Variants in DISC1 observed in about 807,000 individuals in gnomAD.
DISC1 encodes the protein disrupted in schizophrenia 1 protein.
In DISC1, 57 loss-of-function variants were observed where a neutral mutation model predicts 84.5. The ratio of observed to expected loss-of-function variants is 0.67; its 90% confidence interval spans 0.55 to 0.84. The LOEUF (loss-of-function observed/expected upper bound fraction) is 0.84, where lower values mean the gene tolerates loss of function less well. Ranked by LOEUF, DISC1 falls within the 40% of genes least tolerant of loss-of-function variation. The pLI is 0.00. For missense variants in DISC1, 1,000 were observed against 1,057.8 expected (o/e 0.95, Z 0.76); for synonymous variants, 411 against 415.2 (o/e 0.99, Z 0.12).
chr1:231,872,154 C>G (rs529498848), intron 9 of DISC1, among the ~76,000 whole-genome samples: 53 of 152,292 alleles, frequency 3.5e-4, no homozygotes, highest in Non-Finnish European at 2.8e-4. Flanking sequence ...CAGATCAATA[C>G]CTATATCTCA....
intron 1 of DISC1, among the ~76,000 whole-genome samples, chr1:231,659,901 C>A (rs1467957809): frequency 1.3e-5 from 2 of 152,076 alleles, no homozygotes; most frequent in Admixed American, 1.3e-4. Flanking sequence ...ATTATGTGAT[C>A]AGTTTTAGAG....
chr1:231,916,674 G>C (rs976144770), intron 9 of DISC1, among the ~76,000 whole-genome samples: 1 of 120,944 alleles, frequency 8.3e-6, no homozygotes, highest in Non-Finnish European at 1.8e-5. Context: ...AAAAAAAAAA[G>C]AAAGTTCCGA....
At chr1:231,974,450 A>G (rs1195763496) in intron 10 of DISC1, among the ~76,000 whole-genome samples, 1 of 152,238 alleles carries the variant, frequency 6.6e-6, no homozygotes, top group African/African-American at 2.4e-5. Flanking sequence ...ATGTGAAAAT[A>G]AGCCTAGTAA....
At chr1:231,666,757 A>G (rs1056634330) in intron 1 of DISC1, among the ~76,000 whole-genome samples, 2 of 152,108 alleles carry the variant, frequency 1.3e-5, no homozygotes, top group African/African-American at 4.8e-5. Flanking sequence ...GTGAAGGAAA[A>G]AGGCGTTCAT....
intron 7 of DISC1, among the ~76,000 whole-genome samples, chr1:231,799,853 CTTCCT>C (rs1335396938): frequency 9.0e-4 from 3 of 3,348 alleles, no homozygotes; most frequent in Admixed American, 4.4e-3. Context: ...CTTTCCTTCC[CTTCCT>C]TTCCCTTCCC....
At chr1:231,995,415 G>C (rs572074357) in intron 10 of DISC1, among the ~76,000 whole-genome samples, 105 of 151,710 alleles carry the variant, frequency 6.9e-4, no homozygotes, top group South Asian at 5.6e-3. Context: ...ATGTATACAT[G>C]TGCCATGCTG....
intron 10 of DISC1, among the ~76,000 whole-genome samples, chr1:231,962,785 T>C (rs1660560410): frequency 6.6e-6 from 1 of 152,174 alleles, no homozygotes; most frequent in South Asian, 2.1e-4. Flanking sequence ...TCTCCCTCCA[T>C]GTCAGCTCCT....
At chr1:231,995,009 A>G (rs1334783363) in intron 10 of DISC1, among the ~76,000 whole-genome samples, 1 of 152,226 alleles carries the variant, frequency 6.6e-6, no homozygotes, top group African/African-American at 2.4e-5. Context: ...TCTTTCTTAT[A>G]TTACATTTCT....
At chr1:231,747,207 A>G (rs1007042501) in intron 3 of DISC1, among the ~76,000 whole-genome samples, 3 of 152,264 alleles carry the variant, frequency 2.0e-5, no homozygotes, top group African/African-American at 4.8e-5. Context: ...CTGGGATTAC[A>G]GGTGTGAGCC....
At chr1:231,974,967 G>T (rs1662576234) in intron 10 of DISC1, among the ~76,000 whole-genome samples, 1 of 152,150 alleles carries the variant, frequency 6.6e-6, no homozygotes, top group Non-Finnish European at 1.5e-5. Context: ...GGGCGTGGTG[G>T]CACATGCCTG....
At chr1:231,797,243 TATACTG>T (rs1369297273) in intron 7 of DISC1, among the ~76,000 whole-genome samples, 7 of 152,196 alleles carry the variant, frequency 4.6e-5, no homozygotes, top group Non-Finnish European at 7.3e-5. Context: ...GATACACACA[TATACTG>T]ATACGCACCC....
chr1:231,764,694 G>A (rs1039289860), intron 4 of DISC1, among the ~76,000 whole-genome samples: 1 of 152,100 alleles, frequency 6.6e-6, no homozygotes, highest in Non-Finnish European at 1.5e-5. Context: ...CCTGATTTTT[G>A]TAGCCGATCT....
chr1:231,796,811 C>T (rs2078802261), intron 7 of DISC1, among the ~76,000 whole-genome samples: 1 of 152,114 alleles, frequency 6.6e-6, no homozygotes, highest in Non-Finnish European at 1.5e-5. Context: ...ATCTCCCGGG[C>T]TCAGGTAATC....
chr1:231,676,741 T>C (rs1315532759), intron 1 of DISC1, among the ~76,000 whole-genome samples: 2 of 152,240 alleles, frequency 1.3e-5, no homozygotes, highest in Admixed American at 1.3e-4. Context: ...GCCTCATTTA[T>C]TTCAAAATAA....
At chr1:231,832,303 A>G (rs1327379791) in intron 9 of DISC1, among the ~76,000 whole-genome samples, 1 of 151,448 alleles carries the variant, frequency 6.6e-6, no homozygotes, top group South Asian at 2.1e-4. Flanking sequence ...GCACGCAGAC[A>G]TGAGGGCTAG....
At chr1:231,968,986 A>G (rs1246644677) in intron 10 of DISC1, among the ~76,000 whole-genome samples, 1 of 152,170 alleles carries the variant, frequency 6.6e-6, no homozygotes, top group African/African-American at 2.4e-5. Flanking sequence ...GATCACTAGT[A>G]TGTACTAGTA....
chr1:231,675,848 T>G lies in DISC1; in HGVS notation c.68-17978T>G, dbSNP rs1231870392. Among the ~76,000 whole-genome samples, 1 of 142,086 alleles carries G rather than the reference T, an allele frequency of 7.0e-6. No homozygotes were observed. Among genetic ancestry groups the G allele is most frequent in the African/African-American group, 2.6e-5 (1 of 38,236 alleles). The allele number at this position is 142,086 out of a possible 152,430, so 93.2% of individuals were successfully genotyped here. A position where few individuals can be genotyped will look rare whatever the true frequency, so the allele number is the denominator to read the frequency against. On this transcript the variant is annotated intron_variant, in intron 1 of 12. Coordinates refer to ENST00000439617, the MANE Select transcript of DISC1 (RefSeq NM_018662.3). This position sits in a 1 kb window ranked among gnomAD's most constrained non-coding sequence, Gnocchi z 4.1. Reference sequence around the variant, plus strand: ...CTGGTATATTGTATTTGTTTTTTCTTTTCTTTTTTTTTTTTTTTTGACACA... The same window carrying G: ...CTGGTATATTGTATTTGTTTTTTCTGTTCTTTTTTTTTTTTTTTTGACACA...
chr1:231,750,692 A>G (rs1159483555), intron 4 of DISC1: 1 of 666,798 alleles, frequency 1.5e-6, no homozygotes, highest in Non-Finnish European at 1.9e-6. Context: ...TGTGGGAGGC[A>G]AGGGTGGCTC....
At chr1:231,913,151 A>C (rs1056832828) in intron 9 of DISC1, among the ~76,000 whole-genome samples, 20 of 152,208 alleles carry the variant, frequency 1.3e-4, no homozygotes, top group East Asian at 3.9e-4. Context: ...AGCTCAAGAG[A>C]TCCACCAGCC....
Sources: gnomAD v4.1 joint callset for allele counts (sites outside exome capture counted in the v4.1 genomes callset) on GRCh38, gnomAD v4.1.1 for gene constraint, Gnocchi (gnomAD v3.1) non-coding constraint, MANE v1.5 for transcripts, NCBI Gene and HGNC (gene_info 2026-07-23, HGNC 2026-07-21) for gene names.